Variants in AGBL3 observed in about 807,000 individuals in gnomAD.
AGBL3 encodes the protein AGBL carboxypeptidase 3.
In AGBL3, 68 loss-of-function variants were observed where a neutral mutation model predicts 94.5. The observed-to-expected ratio is 0.72, with a 90% CI of 0.59 to 0.88. The LOEUF (loss-of-function observed/expected upper bound fraction) is 0.88. AGBL3 is among the 40% of genes least tolerant of loss of function. The probability of loss-of-function intolerance (pLI) is 0.00; values close to 1 mark genes in which losing one functional copy is unlikely to be tolerated. For missense variants in AGBL3, 934 were observed against 1,103.8 expected, an observed-to-expected ratio of 0.85 and a Z score of 2.18; for synonymous variants, 354 against 370.7, an observed-to-expected ratio of 0.95 and a Z score of 0.52.
intron 5 of AGBL3, among the ~76,000 whole-genome samples, chr7:135,019,096 A>G (rs993089189): frequency 2.6e-5 from 4 of 152,224 alleles, no homozygotes; most frequent in African/African-American, 9.6e-5. Context: ...TCATACAGTA[A>G]GTACACTGTT....
intron 15 of AGBL3, among the ~76,000 whole-genome samples, chr7:135,113,244 A>G (rs1017694773): frequency 3.9e-5 from 6 of 152,208 alleles, no homozygotes; most frequent in African/African-American, 1.4e-4. Flanking sequence ...CCTTTTAAGA[A>G]TAGATAATTT....
chr7:134,987,939 A>C lies in AGBL3; in HGVS notation c.6A>C (p.Ser2=), dbSNP rs1809679210. The C allele has an allele frequency of 6.5e-7, 1 of 1,548,466 alleles. No homozygotes were observed. Among genetic ancestry groups the C allele is most frequent in the East Asian group, 2.5e-5 (1 of 40,656 alleles). M[S]EDSEKEDYSD... Reference sequence around the variant, plus strand: ...CAAGTCAAACACTGGAAAAGATGTCAGAAGATTCAGAAAAGGAAGACTATT... The same window carrying C: ...CAAGTCAAACACTGGAAAAGATGTCCGAAGATTCAGAAAAGGAAGACTATT... Residue 2 remains serine, a synonymous_variant, in exon 2 of 17, where the codon TCA becomes TCC. Coordinates refer to ENST00000436302, the MANE Select transcript of AGBL3 (RefSeq NM_178563.4).
At chr7:135,049,928 C>G (rs931718385) in intron 11 of AGBL3, among the ~76,000 whole-genome samples, 1 of 150,914 alleles carries the variant, frequency 6.6e-6, no homozygotes, top group African/African-American at 2.4e-5. Flanking sequence ...CTTTGTTTTT[C>G]CTTTCTTCTG....
chr7:135,059,297 C>T (rs760437415), intron 12 of AGBL3, 62 bp downstream of exon 12: 24 of 1,208,650 alleles, frequency 2.0e-5, no homozygotes, highest in Middle Eastern at 2.0e-4. Context: ...CTTATTGTGA[C>T]TAATAATCAG....
In AGBL3 at chr7:134,993,632, G is replaced by C; in HGVS notation, c.264G>C (p.Arg88=). ...CTTCTGGTCCATTGAGCCCAACACG[G>C]TGGCCATACCATTGTGAAGTCATCG... The part of the protein sequence containing the change: ...VSSSGPLSPT[R]WPYHCEVIDE... The change falls in exon 4 of 17, where the codon CGG becomes CGC. Residue 88 remains arginine, a synonymous_variant. Transcript: ENST00000436302. 1 of 1,552,042 alleles carries C rather than the reference G, an allele frequency of 6.4e-7. No individual in the cohort carries two copies.
intron 15 of AGBL3, among the ~76,000 whole-genome samples, chr7:135,091,734 A>C (rs1000829817): frequency 2.0e-5 from 3 of 152,242 alleles, no homozygotes; most frequent in African/African-American, 7.2e-5. Flanking sequence ...AGCAAATATC[A>C]GTCTTCTCAC....
At chr7:135,129,194 C>G in intron 16 of AGBL3, 1 of 1,418,038 alleles carries the variant, frequency 7.1e-7, no homozygotes, top group Non-Finnish European at 1.0e-6. Context: ...TGGTGTACTG[C>G]CCCCACGCAT....
chr7:135,077,351 G>C (rs1275591044), intron 13 of AGBL3, among the ~76,000 whole-genome samples: 1 of 152,096 alleles, frequency 6.6e-6, no homozygotes, highest in Non-Finnish European at 1.5e-5. Flanking sequence ...CACTGGGAGA[G>C]GCAAATGGAG....
chr7:135,059,358 CTA>C (rs1231223588), intron 12 of AGBL3, 123 bp downstream of exon 12: 1 of 539,522 alleles, frequency 1.9e-6, no homozygotes, highest in African/African-American at 2.0e-5. Context: ...TATTTTCTAA[CTA>C]TGTAGATATT....
chr7:135,043,958 A>C (rs2116550582), intron 8 of AGBL3, 67 bp from the exon 9 acceptor site: 2 of 1,503,478 alleles, frequency 1.3e-6, no homozygotes, highest in Middle Eastern at 1.8e-4. Flanking sequence ...ATCATTTTTA[A>C]TACTACTTTC....
chr7:135,045,525 A>G lies in AGBL3; in HGVS notation c.1679A>G (p.Tyr560Cys). 2 of 1,551,248 alleles carry G rather than the reference A, an allele frequency of 1.3e-6. No homozygotes were observed. ...FSTKDLESMG[Y>C]HFCDSLLDYC... Reference sequence around the variant, plus strand: ...ACGAAAGACCTGGAATCAATGGGATATCATTTTTGTGATTCTCTCTTGGAT... The same window carrying G: ...ACGAAAGACCTGGAATCAATGGGATGTCATTTTTGTGATTCTCTCTTGGAT... Residue 560 changes from tyrosine to cysteine, a missense_variant, in exon 10 of 17, where the codon TAT (tyrosine) becomes TGT (cysteine). Tyr to Cys is a radical substitution (Grantham distance 194, BLOSUM62 -2). Coordinates refer to ENST00000436302, the MANE Select transcript of AGBL3 (RefSeq NM_178563.4).
At position 135,032,771 on chromosome 7, in the gene AGBL3, C is replaced by T. The variant is rs956565281; in HGVS notation, c.419-73C>T. The T allele has an allele frequency of 3.6e-6, 5 of 1,388,476 alleles. No homozygotes were observed. The African/African-American group carries it at 5.9e-5, about 16-fold the overall frequency. The allele number at this position is 1,388,476 out of a possible 1,614,324, so 86.0% of individuals were successfully genotyped here. On this transcript the variant is annotated intron_variant, in intron 5 of 16. Transcript: ENST00000436302. ...CAATCCTTACACTTGTACTATTGCTCCAAACTCTGTGCAGAATAACCTTCT... is the reference window on the plus strand; with the variant it reads ...CAATCCTTACACTTGTACTATTGCTTCAAACTCTGTGCAGAATAACCTTCT...
intron 15 of AGBL3, among the ~76,000 whole-genome samples, chr7:135,112,797 G>A (rs1825820204): frequency 6.6e-6 from 1 of 152,018 alleles, no homozygotes; most frequent in Admixed American, 6.5e-5. Flanking sequence ...TTTTTGAGAT[G>A]GAGTATTGAT....
At chr7:135,024,769 T>C (rs1478536184) in intron 5 of AGBL3, among the ~76,000 whole-genome samples, 1 of 152,150 alleles carries the variant, frequency 6.6e-6, no homozygotes, top group Non-Finnish European at 1.5e-5. Flanking sequence ...AGCTGAAAGA[T>C]GTAATAGCCA....
chr7:135,020,730 T>TA (rs1320596265), intron 5 of AGBL3, among the ~76,000 whole-genome samples: 4 of 152,072 alleles, frequency 2.6e-5, no homozygotes, highest in African/African-American at 7.2e-5. Context: ...TATGCGGCCA[T>TA]AAAAAATGAT....
intron 8 of AGBL3, among the ~76,000 whole-genome samples, chr7:135,043,447 C>T (rs1817055602): frequency 1.3e-5 from 2 of 151,984 alleles, no homozygotes; most frequent in Admixed American, 1.3e-4. Flanking sequence ...TTACTAGAAG[C>T]TAGGAAAGGT....
chr7:134,990,420 A>AT (rs1261115512), intron 3 of AGBL3, among the ~76,000 whole-genome samples: 1 of 152,202 alleles, frequency 6.6e-6, no homozygotes, highest in Non-Finnish European at 1.5e-5. Context: ...GTTGTTGCAT[A>AT]TATCAGTAGT....
intron 15 of AGBL3, among the ~76,000 whole-genome samples, chr7:135,084,286 A>G (rs1038876134): frequency 6.6e-6 from 1 of 152,138 alleles, no homozygotes; most frequent in Non-Finnish European, 1.5e-5. Context: ...TACAATGTAT[A>G]ATGATCAAAT....
In AGBL3 at chr7:135,017,060, CCTT is replaced by C; in HGVS notation, c.323_325del (p.Ser108del). On this transcript the variant is annotated inframe_deletion, in exon 5 of 17. Coordinates refer to ENST00000436302, the MANE Select transcript of AGBL3 (RefSeq NM_178563.4). ...TTCACTTTTTTTTCCAGATTGGACT[CCTT>C]CTTGTCCTGAGCCAGTGTATATCCC... 1.9e-6 allele frequency: 3 copies of C among 1,540,130 alleles called. No individual in the cohort carries two copies. The highest frequency in any genetic ancestry group is 1.8e-6 in the Non-Finnish European group (2 of 1,137,528).
Sources: allele counts gnomAD v4.1 joint callset (sites outside exome capture counted in the v4.1 genomes callset), GRCh38; gene constraint gnomAD v4.1.1; transcripts MANE v1.5; gene names NCBI Gene and HGNC (gene_info 2026-07-23, HGNC 2026-07-21).